SSH2: variants seen among roughly 807,000 people sequenced by gnomAD.
The protein encoded by SSH2 is slingshot protein phosphatase 2, also known as protein phosphatase Slingshot homolog 2.
SSH2 carries 37 observed loss-of-function variants against 135.2 expected under a neutral mutation model. The ratio of observed to expected loss-of-function variants is 0.27; its 90% CI spans 0.21 to 0.36. SSH2 has a LOEUF of 0.36. Among genes scored for constraint, SSH2 ranks in the 10% least tolerant of loss-of-function variants. The probability of loss-of-function intolerance (pLI) is 1.00; values close to 1 mark genes in which losing one functional copy is unlikely to be tolerated. For missense variants in SSH2, 1,408 were observed against 1,765.3 expected, an observed-to-expected ratio of 0.80 and a Z score of 3.63; for synonymous variants, 628 against 646.2, an observed-to-expected ratio of 0.97 and a Z score of 0.43.
intron 2 of SSH2, among the ~76,000 whole-genome samples, chr17:29,814,753 A>G (rs2042524548): frequency 6.6e-6 from 1 of 152,024 alleles, no homozygotes; most frequent in South Asian, 2.1e-4. Flanking sequence ...TATTTAAAAT[A>G]AAAACATGAG....
intron 3 of SSH2, among the ~76,000 whole-genome samples, chr17:29,782,205 T>C (rs2041856203): frequency 6.6e-6 from 1 of 152,176 alleles, no homozygotes; most frequent in Non-Finnish European, 1.5e-5. Flanking sequence ...CGTTGTTTCA[T>C]ATATCCAAAG....
Position 29,630,756 on chromosome 17 carries a change from A to C in SSH2, c.*85T>G. The C allele has an allele frequency of 7.2e-7, 1 of 1,384,910 alleles. No homozygotes were observed. Among genetic ancestry groups the C allele is most frequent in the Non-Finnish European group, 9.8e-7 (1 of 1,023,004 alleles). The allele number at this position is 1,384,910 out of a possible 1,614,324, so 85.8% of individuals were successfully genotyped here. A position where few individuals can be genotyped will look rare whatever the true frequency, so the allele number is the denominator to read the frequency against. ...AAATGACCAAAATATTATAAAATTA[A>C]CCAATAAAGTGCATGTTCCTTACAT... On this transcript the variant is annotated 3_prime_UTR_variant, in exon 16 of 16. Coordinates refer to ENST00000540801, the MANE Select transcript of SSH2 (RefSeq NM_001282129.2).
Position 29,631,616 on chromosome 17 carries a change from C to A in SSH2, c.3578G>T (p.Ser1193Ile), listed in dbSNP as rs976444495. 6.2e-7 allele frequency: 1 copy of A among 1,614,186 alleles called. No homozygotes were observed. Among genetic ancestry groups the A allele is most frequent in the Non-Finnish European group, 8.5e-7 (1 of 1,180,038 alleles). The change falls in exon 16 of 16, where the codon AGC becomes ATC. Residue 1193 changes from serine (S) to isoleucine (I), a missense_variant. Coordinates refer to ENST00000540801, the MANE Select transcript of SSH2 (RefSeq NM_001282129.2). Reference sequence around the variant, plus strand: ...CACCTCACTGCCACTGGAGAGAGGGCTCTCCTGACTTTCTTCCCAGCTAAC... The same window carrying A: ...CACCTCACTGCCACTGGAGAGAGGGATCTCCTGACTTTCTTCCCAGCTAAC... ...EQVSWEESQE[S>I]PLSSGSEVPY...
intron 3 of SSH2, among the ~76,000 whole-genome samples, chr17:29,728,669 C>G (rs1416702742): frequency 6.6e-6 from 1 of 152,098 alleles, no homozygotes; most frequent in Non-Finnish European, 1.5e-5. Context: ...CTATAGTAAC[C>G]AAAACAGCAT....
intron 5 of SSH2, among the ~76,000 whole-genome samples, chr17:29,689,881 G>C (rs2038388418): frequency 6.6e-6 from 1 of 151,830 alleles, no homozygotes; most frequent in Non-Finnish European, 1.5e-5. Flanking sequence ...GGGCATCATG[G>C]CATGTACCTG....
At chr17:29,926,525 G>T (rs1035123471) in intron 1 of SSH2, among the ~76,000 whole-genome samples, 2 of 150,246 alleles carry the variant, frequency 1.3e-5, no homozygotes, top group African/African-American at 4.9e-5. Flanking sequence ...CTGCACTCCA[G>T]CCTGAATGGC....
chr17:29,796,970 G>A (rs137925508), intron 2 of SSH2, among the ~76,000 whole-genome samples: 1 of 151,924 alleles, frequency 6.6e-6, no homozygotes, highest in East Asian at 1.9e-4. Context: ...ACACTGCCAG[G>A]CCTGGCTAAT....
intron 1 of SSH2, chr17:29,856,103 C>T (rs1230930522): frequency 3.0e-6 from 1 of 330,748 alleles, no homozygotes; most frequent in Non-Finnish European, 5.8e-6. Context: ...TCCAAAATTT[C>T]TTGGGTGAAA....
At chr17:29,903,974 C>T (rs1432591996) in intron 1 of SSH2, among the ~76,000 whole-genome samples, 1 of 151,988 alleles carries the variant, frequency 6.6e-6, no homozygotes, top group East Asian at 1.9e-4. Context: ...CCTGAATAGA[C>T]CAATAATGAG....
Position 29,631,808 on chromosome 17 carries a change from T to C in SSH2, c.3386A>G (p.Asp1129Gly). ...GGCTGTGGACAGGCTGCTGCCTCTG[T>C]CTTCAGGGCTACTCAGGATGGAGGT... Reference protein sequence around the residue: ...HPTSILSSPEDRGSSLSTALE... With the variant: ...HPTSILSSPEGRGSSLSTALE... The change falls in exon 16 of 16, where the codon GAC (aspartate) becomes GGC (glycine). Residue 1129 changes from aspartate (D) to glycine (G), a missense_variant. Physicochemically the swap from Asp to Gly is moderately conservative, Grantham distance 94. Around this residue, in one of 3 missense-constraint regions of SSH2, gnomAD observed 1,080 missense variants for 1,144.5 expected, o/e 0.94. Coordinates refer to ENST00000540801, the MANE Select transcript of SSH2 (RefSeq NM_001282129.2). 6.2e-7 allele frequency: 1 copy of C among 1,614,170 alleles called. No homozygotes were observed. The highest frequency in any genetic ancestry group is 8.5e-7 in the Non-Finnish European group (1 of 1,180,034).
chr17:29,800,779 T>C (rs781745726), intron 2 of SSH2, among the ~76,000 whole-genome samples: 5 of 151,874 alleles, frequency 3.3e-5, no homozygotes, highest in Non-Finnish European at 7.4e-5. Flanking sequence ...TTACTTCTTA[T>C]GTTCTTAAGA....
intron 1 of SSH2, among the ~76,000 whole-genome samples, chr17:29,888,292 T>C (rs2066278759): frequency 6.6e-6 from 1 of 152,120 alleles, no homozygotes; most frequent in African/African-American, 2.4e-5. Flanking sequence ...CACTTGACTC[T>C]ACCATGGAAA....
intron 3 of SSH2, among the ~76,000 whole-genome samples, chr17:29,767,243 G>A (rs2041467846): frequency 6.6e-6 from 1 of 151,974 alleles, no homozygotes; most frequent in East Asian, 1.9e-4. Context: ...CTTTCTTCAG[G>A]TTACAAAAGC....
At chr17:29,739,219 A>T (rs142878536) in intron 3 of SSH2, among the ~76,000 whole-genome samples, 8 of 152,350 alleles carry the variant, frequency 5.3e-5, no homozygotes, top group Non-Finnish European at 1.2e-4. Flanking sequence ...GACATAAATA[A>T]GTAGCAGAGT....
chr17:29,670,011 AG>A (rs1390944876), intron 9 of SSH2, among the ~76,000 whole-genome samples: 1 of 150,796 alleles, frequency 6.6e-6, no homozygotes, highest in Non-Finnish European at 1.5e-5. Flanking sequence ...CCTCCTGAGT[AG>A]CTGGGATTAC....
chr17:29,696,810 G>A (rs545267133), intron 4 of SSH2, among the ~76,000 whole-genome samples: 4 of 150,980 alleles, frequency 2.6e-5, no homozygotes, highest in Non-Finnish European at 4.4e-5. Flanking sequence ...TCAGCCTCCC[G>A]AGTAGCTGGG....
intron 1 of SSH2, among the ~76,000 whole-genome samples, chr17:29,895,761 C>T (rs561662651): frequency 1.9e-5 from 2 of 106,814 alleles, no homozygotes; most frequent in South Asian, 2.8e-4. Flanking sequence ...ATTTTATATA[C>T]ACATTTCATG....
At chr17:29,785,100 G>A (rs946934046) in intron 3 of SSH2, among the ~76,000 whole-genome samples, 2 of 152,044 alleles carry the variant, frequency 1.3e-5, no homozygotes, top group Admixed American at 6.6e-5. Flanking sequence ...TAAAGAGGAA[G>A]AAACCAGGCT....
At chr17:29,828,341 C>T (rs2042781860) in intron 2 of SSH2, among the ~76,000 whole-genome samples, 1 of 152,170 alleles carries the variant, frequency 6.6e-6, no homozygotes, top group African/African-American at 2.4e-5. Flanking sequence ...AAGACTTTCT[C>T]AGCAGGGTCT....
Sources: allele counts gnomAD v4.1 joint callset (sites outside exome capture counted in the v4.1 genomes callset), GRCh38; gene constraint gnomAD v4.1.1; regional missense constraint gnomAD v4.1.1; transcripts MANE v1.5; gene names NCBI Gene and HGNC (gene_info 2026-07-23, HGNC 2026-07-21).